Variants in EPM2A observed in about 807,000 individuals in gnomAD.
EPM2A encodes laforin.
Under a neutral mutation model 26.5 loss-of-function variants are expected in EPM2A, and 21 were observed. The observed-to-expected ratio is 0.79, with a 90% CI of 0.56 to 1.14. The LOEUF (loss-of-function observed/expected upper bound fraction) is 1.14. Ranked by LOEUF, EPM2A falls within the 50% of genes most tolerant of loss-of-function variation. The probability of loss-of-function intolerance (pLI) is 0.00; values close to 1 mark genes in which losing one functional copy is unlikely to be tolerated. For synonymous variants in EPM2A, 217 were observed against 177.6 expected (o/e 1.22, Z -1.76); for missense variants, 458 against 440.8 (o/e 1.04, Z -0.35).
chr6:145,731,876 C>T lies in EPM2A; in HGVS notation c.301+3322G>A, dbSNP rs538174915. Among the ~76,000 whole-genome samples, 3 of 152,186 alleles carry T rather than the reference C, an allele frequency of 2.0e-5. No individual in the cohort carries two copies. The East Asian group carries it at 5.8e-4, about 29-fold the overall frequency. Reference sequence around the variant, plus strand: ...GCCAAGTGATAAAACAGACTGCTAACAGGAATGGGCTTAGTTTCACATTAG... The same window carrying T: ...GCCAAGTGATAAAACAGACTGCTAATAGGAATGGGCTTAGTTTCACATTAG... On this transcript the variant is annotated intron_variant, in intron 1 of 3. Transcript: ENST00000367519.
chr6:145,603,805 T>C (rs931861285), intron 2 of EPM2A, among the ~76,000 whole-genome samples: 1 of 152,212 alleles, frequency 6.6e-6, no homozygotes, highest in African/African-American at 2.4e-5. Flanking sequence ...ATCTATGCCA[T>C]TAACTGGAAA....
intron 1 of EPM2A, among the ~76,000 whole-genome samples, chr6:145,714,556 G>A (rs1253160764): frequency 1.3e-5 from 2 of 152,198 alleles, no homozygotes; most frequent in Non-Finnish European, 2.9e-5. Context: ...AAAGACAAGT[G>A]TATTAGTCCA....
chr6:145,534,095 T>C (rs1396423925), intron 2 of EPM2A, among the ~76,000 whole-genome samples: 3 of 152,082 alleles, frequency 2.0e-5, no homozygotes, highest in Non-Finnish European at 4.4e-5. Flanking sequence ...CAATAATAAA[T>C]ATAATTGAGA....
intron 2 of EPM2A, among the ~76,000 whole-genome samples, chr6:145,515,603 G>A (rs1421194088): frequency 1.3e-5 from 2 of 152,116 alleles, no homozygotes; most frequent in Non-Finnish European, 2.9e-5. Flanking sequence ...GGTTTTATAA[G>A]GGCACTAATC....
chr6:145,446,884 C>A (rs184609361), intron 4 of EPM2A, among the ~76,000 whole-genome samples: 2 of 152,184 alleles, frequency 1.3e-5, no homozygotes, highest in East Asian at 3.9e-4. Flanking sequence ...TATCTTGGAT[C>A]TTCTTTGATG....
At position 145,413,843 on chromosome 6, in the gene EPM2A, TGGCTTGGAAGCCTACAGTGGATAAAGGGA is replaced by T. The variant is rs1562325617; in HGVS notation, c.556-29775_556-29747del. ...AGCATTTACACACTTTTTTCCTCCG[TGGCTTGGAAGCCTACAGTGGATAAAGGGA>T]GAGGAGTGGTAGGTTGCTTAGGCAG... On this transcript the variant is annotated intron_variant, in intron 4 of 4. Coordinates refer to the EPM2A transcript ENST00000638717. Among the ~76,000 whole-genome samples, 8 of 152,346 alleles carry T rather than the reference TGGCTTGGAAGCCTACAGTGGATAAAGGGA, an allele frequency of 5.3e-5. No individual in the cohort carries two copies. The South Asian group carries it at 1.7e-3, about 32-fold the overall frequency.
At chr6:145,487,498 G>C (rs960677044) in intron 4 of EPM2A, among the ~76,000 whole-genome samples, 1 of 152,134 alleles carries the variant, frequency 6.6e-6, no homozygotes, top group African/African-American at 2.4e-5. Flanking sequence ...AACATCGCCA[G>C]CATCTGTTAT....
intron 1 of EPM2A, among the ~76,000 whole-genome samples, chr6:145,708,530 G>A (rs1017256143): frequency 6.6e-6 from 1 of 152,182 alleles, no homozygotes; most frequent in Non-Finnish European, 1.5e-5. Flanking sequence ...GAGGGTATAA[G>A]CCCAAAGCAC....
intron 2 of EPM2A, among the ~76,000 whole-genome samples, chr6:145,524,916 T>C (rs1439188842): frequency 6.6e-6 from 1 of 152,176 alleles, no homozygotes; most frequent in East Asian, 1.9e-4. Context: ...TACATTTAAA[T>C]ATTTAATTCA....
chr6:145,401,607 G>T (rs180893530), intron 4 of EPM2A, among the ~76,000 whole-genome samples: 2 of 152,120 alleles, frequency 1.3e-5, no homozygotes, highest in Admixed American at 6.6e-5. Context: ...ACACAGTGAG[G>T]AATGAGGTAA....
chr6:145,541,324 A>G (rs910952502), intron 2 of EPM2A, among the ~76,000 whole-genome samples: 2 of 135,098 alleles, frequency 1.5e-5, no homozygotes, highest in Non-Finnish European at 3.2e-5. Flanking sequence ...ATACATATAT[A>G]TGTGTATATA....
intron 4 of EPM2A, among the ~76,000 whole-genome samples, chr6:145,465,114 A>C (rs1030993514): frequency 6.6e-6 from 1 of 151,914 alleles, no homozygotes; most frequent in Admixed American, 6.6e-5. Context: ...AGGTACACCA[A>C]TCAGACGTAG....
At chr6:145,681,894 C>T (rs1290230907) in intron 2 of EPM2A, among the ~76,000 whole-genome samples, 1 of 152,056 alleles carries the variant, frequency 6.6e-6, no homozygotes, top group Non-Finnish European at 1.5e-5. Context: ...CAGTAAAGTC[C>T]TATTTTCATA....
chr6:145,482,509 C>A (rs937113054), intron 4 of EPM2A, among the ~76,000 whole-genome samples: 2 of 152,102 alleles, frequency 1.3e-5, no homozygotes, highest in Non-Finnish European at 1.5e-5. Flanking sequence ...CAATAAAGAG[C>A]CTCTATTTAT....
intron 1 of EPM2A, among the ~76,000 whole-genome samples, 168 bp from the exon 2 acceptor site, chr6:145,686,464 G>C (rs1780921018): frequency 6.6e-6 from 1 of 152,124 alleles, no homozygotes; most frequent in Admixed American, 6.6e-5. Flanking sequence ...CAGAACGGTA[G>C]GAATTTGTAA....
chr6:145,431,396 T>A lies in EPM2A; in HGVS notation c.556-47299A>T, dbSNP rs571455077. 9.2e-5 allele frequency among the ~76,000 whole-genome samples: 14 copies of A among 152,150 alleles called. No individual in the cohort carries two copies. In the South Asian group the frequency reaches 2.9e-3, roughly 32 times the overall value. On this transcript the variant is annotated intron_variant, in intron 4 of 4. Coordinates refer to the EPM2A transcript ENST00000638717. ...AATAAAAAGAAAGCAGCTTACACAG[T>A]AAAAGAATATCTCAGAGATACTGTG...
At chr6:145,419,196 CT>C (rs1778750488) in intron 4 of EPM2A, among the ~76,000 whole-genome samples, 1 of 137,462 alleles carries the variant, frequency 7.3e-6, no homozygotes. Flanking sequence ...CCCCCCGCTC[CT>C]TTCCCCAGCA....
intron 2 of EPM2A, among the ~76,000 whole-genome samples, chr6:145,507,062 C>A (rs1779986272): frequency 6.6e-6 from 1 of 152,274 alleles, no homozygotes; most frequent in Non-Finnish European, 1.5e-5. Flanking sequence ...CCACCACACC[C>A]AGCCAAGACT....
At chr6:145,481,628 C>T (rs1320799621) in intron 4 of EPM2A, among the ~76,000 whole-genome samples, 1 of 152,084 alleles carries the variant, frequency 6.6e-6, no homozygotes, top group Non-Finnish European at 1.5e-5. Context: ...TGACTACAAT[C>T]TCAGGAGAGA....
Sources: gnomAD v4.1 joint callset for allele counts (sites outside exome capture counted in the v4.1 genomes callset) on GRCh38, gnomAD v4.1.1 for gene constraint, MANE v1.5 for transcripts, NCBI Gene and HGNC (gene_info 2026-07-23, HGNC 2026-07-21) for gene names.